KANSL1L: variants seen among roughly 807,000 people sequenced by gnomAD.
KANSL1L encodes KAT8 regulatory NSL complex subunit 1-like protein.
In KANSL1L, 25 loss-of-function variants were observed where a neutral mutation model predicts 108.6. The observed-to-expected ratio is 0.23, with a 90% CI of 0.17 to 0.32. The LOEUF is 0.32. Ranked by LOEUF, KANSL1L falls within the 10% of genes least tolerant of loss-of-function variation. The pLI is 1.00. For missense variants in KANSL1L, 1,137 were observed against 1,125.7 expected (o/e 1.01, Z -0.14); for synonymous variants, 405 against 395.1 (o/e 1.03, Z -0.30).
At chr2:210,034,197 C>G (rs766063091) in intron 8 of KANSL1L, among the ~76,000 whole-genome samples, 2 of 152,120 alleles carry the variant, frequency 1.3e-5, no homozygotes, top group Non-Finnish European at 2.9e-5. Context: ...CAGCCCTTGT[C>G]GTTTACAGGT....
intron 6 of KANSL1L, among the ~76,000 whole-genome samples, chr2:210,066,522 G>A (rs1339512305): frequency 6.6e-6 from 1 of 152,140 alleles, no homozygotes; most frequent in Non-Finnish European, 1.5e-5. Flanking sequence ...ATATGCCCTG[G>A]TAACCACCAC....
chr2:210,069,276 G>A (rs914806855), intron 6 of KANSL1L, among the ~76,000 whole-genome samples: 1 of 152,098 alleles, frequency 6.6e-6, no homozygotes, highest in Non-Finnish European at 1.5e-5. Context: ...TTCACTGAAG[G>A]CACCTTTAAC....
intron 5 of KANSL1L, among the ~76,000 whole-genome samples, chr2:210,092,765 T>TA (rs773921199): frequency 2.6e-4 from 39 of 152,158 alleles, no homozygotes; most frequent in Admixed American, 2.6e-4. Context: ...TTCCCTAGGC[T>TA]AAAAAAGGTG....
At chr2:210,024,885 TAAGAG>T (rs1281589797) in intron 13 of KANSL1L, among the ~76,000 whole-genome samples, 1 of 152,190 alleles carries the variant, frequency 6.6e-6, no homozygotes, top group Non-Finnish European at 1.5e-5. Context: ...GCTGACAACA[TAAGAG>T]AGGAAAATAC....
At chr2:210,161,935 T>C (rs2095363368) in intron 1 of KANSL1L, among the ~76,000 whole-genome samples, 1 of 151,490 alleles carries the variant, frequency 6.6e-6, no homozygotes, top group African/African-American at 2.4e-5. Context: ...ATTTATGGGG[T>C]AGATGATGGG....
At chr2:210,138,293 C>T (rs1030418625) in intron 2 of KANSL1L, among the ~76,000 whole-genome samples, 2 of 150,992 alleles carry the variant, frequency 1.3e-5, no homozygotes, top group Non-Finnish European at 2.9e-5. Flanking sequence ...AAGATGGCAA[C>T]GATAGACACT....
intron 6 of KANSL1L, among the ~76,000 whole-genome samples, chr2:210,048,326 A>G (rs551586830): frequency 6.7e-6 from 1 of 149,990 alleles, no homozygotes; most frequent in South Asian, 2.1e-4. Flanking sequence ...CTTTATTTTT[A>G]TTAATTCTTT....
intron 5 of KANSL1L, among the ~76,000 whole-genome samples, chr2:210,092,791 A>T (rs1325584346): frequency 2.0e-5 from 3 of 152,204 alleles, no homozygotes; most frequent in Non-Finnish European, 4.4e-5. Flanking sequence ...CTCCAGAGGA[A>T]ATCTGCATTT....
chr2:210,064,403 A>C (rs888510792), intron 6 of KANSL1L: 32 of 152,278 alleles, frequency 2.1e-4, no homozygotes, highest in African/African-American at 6.5e-4. Context: ...AATGCATAAC[A>C]ATCTATGCTT....
chr2:210,069,278 AC>A (rs1368178842), intron 6 of KANSL1L, among the ~76,000 whole-genome samples: 7 of 152,212 alleles, frequency 4.6e-5, no homozygotes, highest in Non-Finnish European at 8.8e-5. Flanking sequence ...CACTGAAGGC[AC>A]CTTTAACATT....
At chr2:210,130,001 A>AAC (rs2095106030) in intron 2 of KANSL1L, among the ~76,000 whole-genome samples, 1 of 151,842 alleles carries the variant, frequency 6.6e-6, no homozygotes, top group South Asian at 2.1e-4. Context: ...AAAAAAAAAA[A>AAC]AAAACTGACA....
At chr2:210,027,214 C>A (rs182571880) in intron 12 of KANSL1L, 82 bp downstream of exon 12, 1 of 897,536 alleles carries the variant, frequency 1.1e-6, no homozygotes, top group Non-Finnish European at 1.9e-6. Context: ...CTTATATATT[C>A]CTTTAGTTCC....
intron 3 of KANSL1L, among the ~76,000 whole-genome samples, chr2:210,125,505 A>T (rs770494210): frequency 3.3e-5 from 5 of 152,188 alleles, no homozygotes; most frequent in Non-Finnish European, 5.9e-5. Context: ...CCAGGCAAAG[A>T]CACTATAAGA....
At chr2:210,070,354 C>G (rs1215929494) in intron 6 of KANSL1L, among the ~76,000 whole-genome samples, 2 of 151,044 alleles carry the variant, frequency 1.3e-5, no homozygotes, top group Non-Finnish European at 3.0e-5. Context: ...CCTCAGCCCC[C>G]GAGTAGCTGG....
At chr2:210,047,600 C>G (rs926214233) in intron 6 of KANSL1L, among the ~76,000 whole-genome samples, 1 of 152,182 alleles carries the variant, frequency 6.6e-6, no homozygotes, top group African/African-American at 2.4e-5. Flanking sequence ...TTTAGGCATT[C>G]TCTAAATAAA....
At chr2:210,099,071 A>C (rs539905262) in intron 4 of KANSL1L, among the ~76,000 whole-genome samples, 171 of 152,218 alleles carry the variant, frequency 1.1e-3, no homozygotes, top group African/African-American at 3.4e-3. Flanking sequence ...AAAGAGAGTC[A>C]TCTGTAATCA....
At chr2:210,142,718 T>C (rs570212191) in intron 2 of KANSL1L, among the ~76,000 whole-genome samples, 2 of 152,268 alleles carry the variant, frequency 1.3e-5, no homozygotes, top group African/African-American at 4.8e-5. Flanking sequence ...ATTTAGTCAT[T>C]AATCCATTGG....
At chr2:210,116,913 T>A (rs1450116980) in intron 3 of KANSL1L, among the ~76,000 whole-genome samples, 4 of 152,156 alleles carry the variant, frequency 2.6e-5, no homozygotes, top group Non-Finnish European at 5.9e-5. Flanking sequence ...CAAAGACCAA[T>A]GCCAGAGAGA....
At chr2:210,050,910 A>G (rs1451057860) in intron 6 of KANSL1L, among the ~76,000 whole-genome samples, 1 of 151,890 alleles carries the variant, frequency 6.6e-6, no homozygotes, top group African/African-American at 2.4e-5. Context: ...CACCCAGCTA[A>G]TTTTTGTATT....
Sources: gnomAD v4.1 joint callset for allele counts (sites outside exome capture counted in the v4.1 genomes callset) on GRCh38, gnomAD v4.1.1 for gene constraint, MANE v1.5 for transcripts, NCBI Gene and HGNC (gene_info 2026-07-23, HGNC 2026-07-21) for gene names.